SLC39A8: variants seen among roughly 807,000 people sequenced by gnomAD.
SLC39A8 encodes the protein solute carrier family 39 member 8.
A neutral mutation model predicts 40.4 loss-of-function variants in SLC39A8; 15 were observed. The ratio of observed to expected loss-of-function variants is 0.37; its 90% CI spans 0.25 to 0.57. The LOEUF (loss-of-function observed/expected upper bound fraction) is 0.57, where lower values mean the gene tolerates loss of function less well. SLC39A8 is among the 20% of genes least tolerant of loss of function. The pLI is 0.75. For synonymous variants in SLC39A8, 223 were observed against 221.6 expected, an observed-to-expected ratio of 1.01 and a Z score of -0.06; for missense variants, 472 against 558.8, an observed-to-expected ratio of 0.84 and a Z score of 1.57.
chr4:102,264,648 T>C (rs1244832718), intron 8 of SLC39A8, among the ~76,000 whole-genome samples: 3 of 152,372 alleles, frequency 2.0e-5, no homozygotes, highest in East Asian at 3.9e-4. Flanking sequence ...CTGGATGGCA[T>C]GTTCTTCTAA....
chr4:102,290,151 C>T (rs1347319716), intron 6 of SLC39A8, among the ~76,000 whole-genome samples: 2 of 152,158 alleles, frequency 1.3e-5, no homozygotes, highest in Non-Finnish European at 2.9e-5. Context: ...GCACGGCCCT[C>T]CACTTACAAA....
At chr4:102,279,353 G>A (rs1732773458) in intron 6 of SLC39A8, among the ~76,000 whole-genome samples, 1 of 152,050 alleles carries the variant, frequency 6.6e-6, no homozygotes, top group Admixed American at 6.6e-5. Context: ...ACTAGCTAGG[G>A]TAATCACACC....
chr4:102,332,933 G>C (rs946814928), intron 2 of SLC39A8, among the ~76,000 whole-genome samples: 2 of 152,048 alleles, frequency 1.3e-5, no homozygotes, highest in Non-Finnish European at 1.5e-5. Context: ...ACCAAACACC[G>C]CATGTTCTCA....
intron 6 of SLC39A8, among the ~76,000 whole-genome samples, chr4:102,286,656 C>G (rs1428615555): frequency 6.6e-6 from 1 of 152,088 alleles, no homozygotes; most frequent in Non-Finnish European, 1.5e-5. Context: ...AATTGAGAAG[C>G]TTTAGGTGCA....
At chr4:102,260,776 G>A (rs1306866026), downstream of SLC39A8, among the ~76,000 whole-genome samples, 1 of 152,206 alleles carries the variant, frequency 6.6e-6, no homozygotes, top group African/African-American at 2.4e-5. Context: ...TGCAACAGAT[G>A]ATTTTCATTT....
At chr4:102,301,583 C>T (rs1335738656) in intron 6 of SLC39A8, among the ~76,000 whole-genome samples, 1 of 151,900 alleles carries the variant, frequency 6.6e-6, no homozygotes, top group African/African-American at 2.4e-5. Context: ...GTGCCTAGGA[C>T]AATGAACAGG....
intron 8 of SLC39A8, 71 bp downstream of exon 8, chr4:102,267,419 G>A: frequency 7.1e-7 from 1 of 1,407,652 alleles, no homozygotes; most frequent in South Asian, 1.5e-5. Context: ...GCCACCCTTA[G>A]TTAACTTATA....
At chr4:102,294,200 G>A (rs1281328540) in intron 6 of SLC39A8, among the ~76,000 whole-genome samples, 2 of 151,968 alleles carry the variant, frequency 1.3e-5, no homozygotes, top group Non-Finnish European at 2.9e-5. Context: ...CAGAATATAT[G>A]TAAAACTCCT....
At chr4:102,317,478 C>T (rs1234250806) in intron 2 of SLC39A8, among the ~76,000 whole-genome samples, 1 of 152,052 alleles carries the variant, frequency 6.6e-6, no homozygotes, top group Non-Finnish European at 1.5e-5. Context: ...TAACAGTCTT[C>T]CCTTTAGCTC....
intron 3 of SLC39A8, among the ~76,000 whole-genome samples, chr4:102,308,553 G>A (rs1734289423): frequency 6.6e-6 from 1 of 152,038 alleles, no homozygotes; most frequent in Admixed American, 6.6e-5. Flanking sequence ...AACATACCCA[G>A]GACAGTCACC....
At chr4:102,253,624 CCCA>C (rs1257890779) in intron 11 of SLC39A8, among the ~76,000 whole-genome samples, 4 of 151,822 alleles carry the variant, frequency 2.6e-5, no homozygotes, top group Non-Finnish European at 5.9e-5. Flanking sequence ...ATTCAAAAAT[CCCA>C]CCAAGACTTC....
chr4:102,341,196 C>T (rs532822586), intron 2 of SLC39A8, among the ~76,000 whole-genome samples: 1 of 152,028 alleles, frequency 6.6e-6, no homozygotes, highest in Non-Finnish European at 1.5e-5. Flanking sequence ...ACTATGTGCA[C>T]TACAGGAGAT....
intron 6 of SLC39A8, among the ~76,000 whole-genome samples, chr4:102,300,301 G>A (rs961941049): frequency 2.6e-5 from 4 of 151,990 alleles, no homozygotes; most frequent in African/African-American, 9.7e-5. Context: ...TGATAAATAT[G>A]CTTCCATGAA....
rs913832390 is a variant in SLC39A8, at chr4:102,338,209, C to T, written c.219+6235G>A. On this transcript the variant is annotated intron_variant, in intron 2 of 8. Coordinates refer to ENST00000356736, the MANE Select transcript of SLC39A8 (RefSeq NM_001135146.2). ...TTCTTTTTTTTTTTTTTTTTCGAGACGGAGTCTTACTTTGTCACCCAGGCT... is the reference window on the plus strand; with the variant it reads ...TTCTTTTTTTTTTTTTTTTTCGAGATGGAGTCTTACTTTGTCACCCAGGCT... 2.0e-4 allele frequency among the ~76,000 whole-genome samples: 29 copies of T among 142,626 alleles called. No homozygotes were observed. In the East Asian group the frequency reaches 4.2e-3, roughly 20 times the overall value. 93.6% of individuals were successfully genotyped at this position (142,626 alleles called of 152,430 possible).
At chr4:102,290,794 C>T (rs776527258) in intron 6 of SLC39A8, among the ~76,000 whole-genome samples, 4 of 152,032 alleles carry the variant, frequency 2.6e-5, no homozygotes, top group Non-Finnish European at 5.9e-5. Flanking sequence ...CCCACTTTTC[C>T]CCAACCCCAC....
At chr4:102,312,745 A>C (rs1734486604) in intron 3 of SLC39A8, among the ~76,000 whole-genome samples, 1 of 152,098 alleles carries the variant, frequency 6.6e-6, no homozygotes. Context: ...GTACTTTACA[A>C]ATATTAAGTC....
chr4:102,290,470 G>A (rs1465990559), intron 6 of SLC39A8, among the ~76,000 whole-genome samples: 1 of 152,080 alleles, frequency 6.6e-6, no homozygotes, highest in Non-Finnish European at 1.5e-5. Flanking sequence ...TGATGTTTCT[G>A]GAACTTCATA....
intron 6 of SLC39A8, among the ~76,000 whole-genome samples, chr4:102,281,328 A>G (rs1028388467): frequency 1.3e-5 from 2 of 152,212 alleles, no homozygotes; most frequent in Admixed American, 6.5e-5. Flanking sequence ...AGAATAATTC[A>G]TATGAGAAAA....
intron 2 of SLC39A8, among the ~76,000 whole-genome samples, chr4:102,327,704 C>A (rs1182598697): frequency 6.6e-6 from 1 of 152,140 alleles, no homozygotes; most frequent in Admixed American, 6.5e-5. Context: ...CTTCTTCAAC[C>A]CCTAATAAGT....
Sources: allele counts gnomAD v4.1 joint callset (sites outside exome capture counted in the v4.1 genomes callset), GRCh38; gene constraint gnomAD v4.1.1; transcripts MANE v1.5; gene names NCBI Gene and HGNC (gene_info 2026-07-23, HGNC 2026-07-21).